The following MYCBP2 variants were observed in gnomAD, a reference collection of about 807,000 sequenced individuals.
The protein encoded by MYCBP2 is E3 ubiquitin-protein ligase MYCBP2.
In MYCBP2, 120 loss-of-function variants were observed where a neutral mutation model predicts 525.3. The observed-to-expected ratio is 0.23, with a 90% CI of 0.20 to 0.27. MYCBP2 has a LOEUF of 0.27. Ranked by LOEUF, MYCBP2 falls within the 10% of genes least tolerant of loss-of-function variation. The pLI is 1.00. For synonymous variants in MYCBP2, 1,894 were observed against 1,955.8 expected (o/e 0.97, Z 0.83); for missense variants, 4,149 against 5,657.1 (o/e 0.73, Z 8.55).
In MYCBP2 at chr13:77,309,191, T is replaced by C. The variant is rs564578258; in HGVS notation, c.303-12517A>G. Among the ~76,000 whole-genome samples the C allele has an allele frequency of 7.2e-5, 11 of 152,358 alleles. No homozygotes were observed. The South Asian group carries it at 1.4e-3, about 20-fold the overall frequency. On this transcript the variant is annotated intron_variant, in intron 1 of 82. Transcript: ENST00000544440. Reference sequence around the variant, plus strand: ...CATGTCCAGCCTCACTTTCCCACTTTTCCCTGCCTCCTGAAAAAAGGAGGT... The same window carrying C: ...CATGTCCAGCCTCACTTTCCCACTTCTCCCTGCCTCCTGAAAAAAGGAGGT...
intron 1 of MYCBP2, among the ~76,000 whole-genome samples, chr13:77,316,476 G>A (rs2080953606): frequency 6.6e-6 from 1 of 152,154 alleles, no homozygotes; most frequent in Admixed American, 6.5e-5. Flanking sequence ...GGGGAATTTT[G>A]AGCACATCAG....
chr13:77,048,801 C>T (rs2036136933), intron 82 of MYCBP2, among the ~76,000 whole-genome samples: 1 of 152,148 alleles, frequency 6.6e-6, no homozygotes, highest in African/African-American at 2.4e-5. Context: ...TGTTGGCTGC[C>T]CTGATCCTGT....
intron 52 of MYCBP2, among the ~76,000 whole-genome samples, chr13:77,138,307 C>T (rs2054069486): frequency 6.6e-6 from 1 of 152,058 alleles, no homozygotes; most frequent in Admixed American, 6.5e-5. Flanking sequence ...GTTTTCTTCA[C>T]CAAAGAATTG....
At position 77,079,591 on chromosome 13, in the gene MYCBP2, G is replaced by A. The variant is rs558502843; in HGVS notation, c.11419-702C>T. On this transcript the variant is annotated intron_variant, in intron 65 of 82. Coordinates refer to ENST00000544440, the MANE Select transcript of MYCBP2 (RefSeq NM_015057.5). ...GTGTACAAGGCTCTGTGGTAGGCAGGTTGAGGAACATGGAGGTACATAACT... is the reference window on the plus strand; with the variant it reads ...GTGTACAAGGCTCTGTGGTAGGCAGATTGAGGAACATGGAGGTACATAACT... Among the ~76,000 whole-genome samples, 17 of 152,308 alleles carry A rather than the reference G, an allele frequency of 1.1e-4. 1 individual carries two copies. Among genetic ancestry groups the A allele is most frequent in the African/African-American group, 3.6e-4 (15 of 41,572 alleles).
chr13:77,103,283 C>A (rs905963127), intron 55 of MYCBP2: 1 of 397,500 alleles, frequency 2.5e-6, no homozygotes. Flanking sequence ...AATGCGCTCA[C>A]GAGAAGCAAG....
intron 59 of MYCBP2, 154 bp from the exon 60 acceptor site, chr13:77,090,417 CT>C (rs1410064224): frequency 3.9e-6 from 2 of 517,086 alleles, no homozygotes; most frequent in Non-Finnish European, 6.4e-6. Flanking sequence ...ATAATTTGAT[CT>C]TTTCAAATGC....
chr13:77,271,040 TG>T lies in MYCBP2; in HGVS notation c.946-503del, dbSNP rs1201432294. On this transcript the variant is annotated intron_variant, in intron 5 of 82. Coordinates refer to ENST00000544440, the MANE Select transcript of MYCBP2 (RefSeq NM_015057.5). ...GTTTTTCATTTCTAGGAGTTCGATT[TG>T]TTTTTTTTCCTAATGTCTGACTACT... 3.3e-5 allele frequency among the ~76,000 whole-genome samples: 5 copies of T among 152,258 alleles called. No homozygotes were observed. The East Asian group carries it at 9.6e-4, about 29-fold the overall frequency.
chr13:77,104,854 G>A (rs2154137430), intron 55 of MYCBP2, among the ~76,000 whole-genome samples: 1 of 152,188 alleles, frequency 6.6e-6, no homozygotes, highest in East Asian at 1.9e-4. Flanking sequence ...ACATACCATG[G>A]CATAAAGCCA....
intron 80 of MYCBP2, among the ~76,000 whole-genome samples, chr13:77,053,071 G>A (rs1377032696): frequency 5.3e-5 from 8 of 152,058 alleles, no homozygotes; most frequent in African/African-American, 1.9e-4. Flanking sequence ...CCAGGAGGTG[G>A]AGGCTGCAGT....
Position 77,267,919 on chromosome 13 carries a change from C to T in MYCBP2, c.1279G>A (p.Asp427Asn), listed in dbSNP as rs2074328458. 3 of 1,613,112 alleles carry T rather than the reference C, an allele frequency of 1.9e-6. No individual in the cohort carries two copies. Among genetic ancestry groups the T allele is most frequent in the Non-Finnish European group, 2.5e-6 (3 of 1,179,544 alleles). ...GYAQGYLLYR[D>N]VNNHSMTAIR... is the part of the protein sequence containing the mutation. ...GCTGTCATGCTGTGGTTATTCACATCTCTATATAATAAATAACCCTGATAA... is the reference window on the plus strand; with the variant it reads ...GCTGTCATGCTGTGGTTATTCACATTTCTATATAATAAATAACCCTGATAA... Residue 427 changes from aspartate to asparagine, a missense_variant, in exon 8 of 83, where the codon GAT becomes AAT. This residue lies in a region of MYCBP2 where 262 missense variants were observed against 419.3 expected (regional missense o/e 0.62). Coordinates refer to ENST00000544440, the MANE Select transcript of MYCBP2 (RefSeq NM_015057.5).
In MYCBP2 at chr13:77,067,570, C is replaced by T. The variant is rs1482563771; in HGVS notation, c.12455+11G>A. 1.2e-6 allele frequency: 2 copies of T among 1,613,268 alleles called. No homozygotes were observed. Among genetic ancestry groups the T allele is most frequent in the Non-Finnish European group, 1.7e-6 (2 of 1,179,364 alleles). On this transcript the variant is annotated intron_variant, in intron 71 of 82. Coordinates refer to ENST00000544440, the MANE Select transcript of MYCBP2 (RefSeq NM_015057.5). ...TTCTGTTTTGGTACTAAAATAGAGG[C>T]AATAACTAACCTGGAATTGAAAATC...
At chr13:77,262,635 G>A (rs2073492624) in intron 10 of MYCBP2, among the ~76,000 whole-genome samples, 1 of 151,806 alleles carries the variant, frequency 6.6e-6, no homozygotes. Flanking sequence ...CTCTGCCTAT[G>A]TCTTTTTCTA....
At chr13:77,065,709 G>C (rs2040092125) in intron 72 of MYCBP2, among the ~76,000 whole-genome samples, 1 of 152,018 alleles carries the variant, frequency 6.6e-6, no homozygotes, top group East Asian at 1.9e-4. Flanking sequence ...TTTGAATCAA[G>C]TTCTTTCTTA....
chr13:77,199,435 C>A (rs1243245539), intron 26 of MYCBP2, among the ~76,000 whole-genome samples: 1 of 152,208 alleles, frequency 6.6e-6, no homozygotes, highest in East Asian at 1.9e-4. Flanking sequence ...AGTCTGAGAT[C>A]AAACTGCAAG....
rs576614984 is a variant in MYCBP2, at chr13:77,130,292, T to C, written c.7660-3750A>G. Among the ~76,000 whole-genome samples the C allele has an allele frequency of 2.0e-5, 3 of 151,016 alleles. No individual in the cohort carries two copies. In the East Asian group the frequency reaches 5.8e-4, roughly 29 times the overall value. Reference sequence around the variant, plus strand: ...ATTCCTTATCAATTATAAGTCATTTTAGATAATGAAACTTTTCTCATTATC... The same window carrying C: ...ATTCCTTATCAATTATAAGTCATTTCAGATAATGAAACTTTTCTCATTATC... On this transcript the variant is annotated intron_variant, in intron 52 of 82. Coordinates refer to ENST00000544440, the MANE Select transcript of MYCBP2 (RefSeq NM_015057.5).
At chr13:77,153,533 T>C (rs927613319) in intron 46 of MYCBP2, among the ~76,000 whole-genome samples, 2 of 152,220 alleles carry the variant, frequency 1.3e-5, no homozygotes, top group African/African-American at 4.8e-5. Flanking sequence ...CAACTATATT[T>C]ACCCTAAGTA....
At chr13:77,182,814 A>G (rs1025660251) in intron 32 of MYCBP2, among the ~76,000 whole-genome samples, 1 of 152,170 alleles carries the variant, frequency 6.6e-6, no homozygotes, top group African/African-American at 2.4e-5. Context: ...ATAAGTGGTG[A>G]GTGTAGATAC....
At chr13:77,256,195 G>A (rs1384244436) in intron 14 of MYCBP2, among the ~76,000 whole-genome samples, 2 of 152,074 alleles carry the variant, frequency 1.3e-5, no homozygotes, top group African/African-American at 4.8e-5. Flanking sequence ...GTCAAGAACA[G>A]GTTAAATTAC....
intron 59 of MYCBP2, among the ~76,000 whole-genome samples, chr13:77,091,602 G>A (rs754287689): frequency 6.6e-6 from 1 of 152,096 alleles, no homozygotes; most frequent in African/African-American, 2.4e-5. Flanking sequence ...AACTCACTAG[G>A]ATGCCCACTC....
Sources: gnomAD v4.1 joint callset for allele counts (sites outside exome capture counted in the v4.1 genomes callset) on GRCh38, gnomAD v4.1.1 for gene constraint, gnomAD v4.1.1 regional missense constraint, MANE v1.5 for transcripts, NCBI Gene and HGNC (gene_info 2026-07-23, HGNC 2026-07-21) for gene names.